The following PCNX2 variants were observed in gnomAD, a reference collection of about 807,000 sequenced individuals.
The protein encoded by PCNX2 is pecanex 2.
A neutral mutation model predicts 223.8 loss-of-function variants in PCNX2; 168 were observed. The ratio of observed to expected loss-of-function variants is 0.75; its 90% confidence interval spans 0.66 to 0.85. PCNX2 has a LOEUF of 0.85. Among genes scored for constraint, PCNX2 ranks in the 40% least tolerant of loss-of-function variants. The probability of loss-of-function intolerance (pLI) is 0.00; values close to 1 mark genes in which losing one functional copy is unlikely to be tolerated. For missense variants in PCNX2, 2,507 were observed against 2,675.5 expected (o/e 0.94, Z 1.39); for synonymous variants, 1,006 against 1,052.6 (o/e 0.96, Z 0.86).
At chr1:233,298,417 G>A (rs1417042216), upstream of PCNX2, among the ~76,000 whole-genome samples, 2 of 152,164 alleles carry the variant, frequency 1.3e-5, no homozygotes, top group African/African-American at 4.8e-5. Context: ...GATAAAGTGG[G>A]CAGGTGCCTA....
At chr1:233,276,334 A>C (rs1660913852) in intron 1 of PCNX2, among the ~76,000 whole-genome samples, 1 of 152,144 alleles carries the variant, frequency 6.6e-6, no homozygotes, top group Non-Finnish European at 1.5e-5. Flanking sequence ...AGAAATGGGG[A>C]GTTATTGTCT....
chr1:233,107,954 A>C (rs1486159042), intron 21 of PCNX2, among the ~76,000 whole-genome samples: 6 of 152,216 alleles, frequency 3.9e-5, no homozygotes, highest in African/African-American at 1.2e-4. Context: ...ACCAAAACCA[A>C]GATGGCGATG....
intron 12 of PCNX2, among the ~76,000 whole-genome samples, chr1:233,216,733 A>G (rs1656944198): frequency 6.6e-6 from 1 of 152,230 alleles, no homozygotes; most frequent in African/African-American, 2.4e-5. Context: ...TAAAATCAAT[A>G]TGTCCAAAAG....
chr1:233,183,154 T>C (rs1679901142), intron 15 of PCNX2, among the ~76,000 whole-genome samples: 1 of 152,166 alleles, frequency 6.6e-6, no homozygotes, highest in Admixed American at 6.5e-5. Context: ...AGAAAAGACA[T>C]TCTGGGGCAA....
intron 21 of PCNX2, among the ~76,000 whole-genome samples, chr1:233,116,554 G>A (rs930802573): frequency 6.6e-6 from 1 of 152,076 alleles, no homozygotes; most frequent in East Asian, 1.9e-4. Flanking sequence ...AATAATCCAT[G>A]GATCAAAGAG....
In PCNX2 at chr1:233,160,464, T is replaced by C. The variant is rs766411378; in HGVS notation, c.3367-31A>G. On this transcript the variant is annotated intron_variant, in intron 18 of 33. Transcript: ENST00000258229. ...ATAAAAATGGGCAGAATCTCATTACTTAGCCTAGAGGATGGGGAGAGGGAT... is the reference window on the plus strand; with the variant it reads ...ATAAAAATGGGCAGAATCTCATTACCTAGCCTAGAGGATGGGGAGAGGGAT... The C allele has an allele frequency of 5.6e-6, 9 of 1,605,558 alleles. No individual in the cohort carries two copies. In the African/African-American group the frequency reaches 1.2e-4, roughly 21 times the overall value.
intron 23 of PCNX2, chr1:233,057,744 C>G (rs1672246001): frequency 3.2e-6 from 1 of 309,766 alleles, no homozygotes; most frequent in South Asian, 1.3e-4. Flanking sequence ...TGGTGGCACA[C>G]TCCTATAATC....
chr1:233,193,828 T>C (rs2102883054), intron 15 of PCNX2, among the ~76,000 whole-genome samples: 1 of 152,154 alleles, frequency 6.6e-6, no homozygotes, highest in South Asian at 2.1e-4. Flanking sequence ...ACTGGTGAAC[T>C]TCAAGATAGG....
chr1:233,017,379 G>GGCA (rs1209387413), intron 26 of PCNX2, among the ~76,000 whole-genome samples: 1 of 142,008 alleles, frequency 7.0e-6, no homozygotes, highest in African/African-American at 2.7e-5. Context: ...GTGCAGCGGT[G>GGCA]CGATCTCGGC....
At chr1:233,046,384 G>A (rs1335331964) in intron 25 of PCNX2, among the ~76,000 whole-genome samples, 1 of 152,158 alleles carries the variant, frequency 6.6e-6, no homozygotes, top group Non-Finnish European at 1.5e-5. Flanking sequence ...TAGGAATACT[G>A]TACTATATGT....
At chr1:233,042,408 C>T (rs188210181) in intron 25 of PCNX2, among the ~76,000 whole-genome samples, 1 of 152,304 alleles carries the variant, frequency 6.6e-6, no homozygotes, top group East Asian at 1.9e-4. Context: ...AATCCTATCC[C>T]CAGCTGATAG....
chr1:233,167,644 A>G, intron 17 of PCNX2: 2 of 732,566 alleles, frequency 2.7e-6, no homozygotes, highest in Non-Finnish European at 3.3e-6. Context: ...CCATTTTACT[A>G]TCTATAGGTA....
intron 21 of PCNX2, among the ~76,000 whole-genome samples, chr1:233,112,684 G>A (rs946379669): frequency 1.3e-5 from 2 of 152,160 alleles, no homozygotes; most frequent in Non-Finnish European, 2.9e-5. Context: ...ATGTGTTAGC[G>A]GGATGAATGT....
intron 26 of PCNX2, among the ~76,000 whole-genome samples, chr1:233,018,475 C>T (rs1303438507): frequency 6.6e-6 from 1 of 152,144 alleles, no homozygotes; most frequent in African/African-American, 2.4e-5. Context: ...TTATGAGTCC[C>T]ACTTGGGGAA....
At chr1:233,237,264 T>C (rs948324418) in intron 8 of PCNX2, among the ~76,000 whole-genome samples, 1 of 152,168 alleles carries the variant, frequency 6.6e-6, no homozygotes, top group African/African-American at 2.4e-5. Context: ...ACAACCTTAA[T>C]TTTTTTAAAT....
chr1:233,025,411 C>A lies in PCNX2; in HGVS notation c.4352-12G>T, dbSNP rs768025078. 2.9e-5 allele frequency: 47 copies of A among 1,612,832 alleles called. 1 individual carries two copies. The Middle Eastern group carries it at 4.9e-4, about 17-fold the overall frequency. On this transcript the variant is annotated splice_polypyrimidine_tract_variant and intron_variant, in intron 25 of 33. Coordinates refer to ENST00000258229, the MANE Select transcript of PCNX2 (RefSeq NM_014801.4). Reference sequence around the variant, plus strand: ...CTGGCAGTAGGTTCCTGGCCGAGCACAAACATGAAGGAAGTTTGAAGAGAA... The same window carrying A: ...CTGGCAGTAGGTTCCTGGCCGAGCAAAAACATGAAGGAAGTTTGAAGAGAA...
intron 21 of PCNX2, among the ~76,000 whole-genome samples, chr1:233,106,691 G>T (rs1397226062): frequency 1.3e-5 from 2 of 152,012 alleles, no homozygotes; most frequent in Admixed American, 1.3e-4. Context: ...TTGGGAAATG[G>T]GTATGACAGC....
At chr1:233,297,407 G>T (rs1662184812), upstream of PCNX2, among the ~76,000 whole-genome samples, 1 of 152,206 alleles carries the variant, frequency 6.6e-6, no homozygotes, top group African/African-American at 2.4e-5. Context: ...AAAATGTGCT[G>T]CCTGTTATCA....
Position 232,986,515 on chromosome 1 carries a change from G to C in PCNX2, c.5817C>G (p.Ser1939=), listed in dbSNP as rs370461439. Residue 1939 remains serine, a synonymous_variant, in exon 33 of 34, where the codon TCC becomes TCG. Transcript: ENST00000258229. ...GGCTTAGCGCTGAGTGTGCCTGCAC[G>C]GACTGGCTCCTGCCTTTCCTCCTGC... The part of the protein sequence containing the change: ...RTGRRKGRSQ[S]VQAHSALSQR... The C allele has an allele frequency of 7.8e-6, 12 of 1,544,836 alleles. No individual in the cohort carries two copies. The highest frequency in any genetic ancestry group is 3.5e-4 in the Middle Eastern group (2 of 5,738).
Sources: allele counts gnomAD v4.1 joint callset (sites outside exome capture counted in the v4.1 genomes callset), GRCh38; gene constraint gnomAD v4.1.1; transcripts MANE v1.5; gene names NCBI Gene and HGNC (gene_info 2026-07-23, HGNC 2026-07-21).